Variants in DNAJC1 observed in about 807,000 individuals in gnomAD.
The protein encoded by DNAJC1 is DnaJ heat shock protein family (Hsp40) member C1.
In DNAJC1, 58 loss-of-function variants were observed where a neutral mutation model predicts 76.6. That is an observed-to-expected ratio of 0.76 (90% CI 0.61 to 0.94). The LOEUF (loss-of-function observed/expected upper bound fraction) is 0.94, where lower values mean the gene tolerates loss of function less well. Ranked by LOEUF, DNAJC1 falls within the 40% of genes least tolerant of loss-of-function variation. The pLI is 0.00. For synonymous variants in DNAJC1, 258 were observed against 267.9 expected, an observed-to-expected ratio of 0.96 and a Z score of 0.36; for missense variants, 689 against 677.3, an observed-to-expected ratio of 1.02 and a Z score of -0.19.
chr10:21,914,631 T>C (rs1258054643), intron 6 of DNAJC1, among the ~76,000 whole-genome samples: 1 of 152,202 alleles, frequency 6.6e-6, no homozygotes, highest in Non-Finnish European at 1.5e-5. Flanking sequence ...ACTCAGAATC[T>C]ACAGACCTGG....
At chr10:21,813,141 G>T (rs1835001752) in intron 8 of DNAJC1, among the ~76,000 whole-genome samples, 3 of 96,976 alleles carry the variant, frequency 3.1e-5, no homozygotes, top group South Asian at 3.2e-4. Flanking sequence ...GCTCTTTCTT[G>T]GGTTACTTGT....
intron 9 of DNAJC1, among the ~76,000 whole-genome samples, chr10:21,770,731 C>T (rs965364615): frequency 2.0e-5 from 3 of 152,140 alleles, no homozygotes; most frequent in African/African-American, 7.2e-5. Flanking sequence ...GCTCTGGGTA[C>T]ATATACTTTT....
chr10:21,980,986 T>C (rs983862291), intron 1 of DNAJC1, among the ~76,000 whole-genome samples: 1 of 152,126 alleles, frequency 6.6e-6, no homozygotes, highest in Non-Finnish European at 1.5e-5. Context: ...CAGGAGTGTT[T>C]ATAATACATT....
intron 1 of DNAJC1, among the ~76,000 whole-genome samples, chr10:21,949,555 T>C (rs1427594910): frequency 1.3e-5 from 2 of 151,588 alleles, no homozygotes; most frequent in East Asian, 3.9e-4. Flanking sequence ...TAGCTGGGAT[T>C]ACAGGCACCT....
chr10:21,888,779 T>C (rs1342291311), intron 7 of DNAJC1, among the ~76,000 whole-genome samples: 1 of 151,826 alleles, frequency 6.6e-6, no homozygotes, highest in Non-Finnish European at 1.5e-5. Flanking sequence ...CTACTTGAGG[T>C]TGGAGGGTGG....
At chr10:21,781,057 T>C (rs942296336) in intron 9 of DNAJC1, among the ~76,000 whole-genome samples, 2 of 152,206 alleles carry the variant, frequency 1.3e-5, no homozygotes, top group Admixed American at 6.5e-5. Context: ...ATCCTAAATA[T>C]ATATGCACCC....
intron 8 of DNAJC1, among the ~76,000 whole-genome samples, chr10:21,853,816 A>G (rs1835790864): frequency 6.7e-6 from 1 of 149,072 alleles, no homozygotes. Flanking sequence ...AAAAAAAAAA[A>G]GACTATCACT....
chr10:21,767,958 G>A (rs1834320942), intron 9 of DNAJC1, among the ~76,000 whole-genome samples: 1 of 151,860 alleles, frequency 6.6e-6, no homozygotes, highest in South Asian at 2.1e-4. Context: ...TTACGTCACT[G>A]CACTCCAGCC....
At chr10:21,786,542 T>A (rs1314845733) in intron 9 of DNAJC1, among the ~76,000 whole-genome samples, 1 of 149,324 alleles carries the variant, frequency 6.7e-6, no homozygotes, top group African/African-American at 2.5e-5. Context: ...GTACAGTGGC[T>A]CACTGTGATC....
intron 9 of DNAJC1, among the ~76,000 whole-genome samples, chr10:21,782,370 A>G (rs952950300): frequency 1.3e-5 from 2 of 152,238 alleles, no homozygotes; most frequent in Non-Finnish European, 2.9e-5. Context: ...ATAGACCAAT[A>G]ACAGGCTCTG....
intron 7 of DNAJC1, among the ~76,000 whole-genome samples, chr10:21,902,458 C>T (rs1836673488): frequency 1.3e-5 from 2 of 152,160 alleles, no homozygotes; most frequent in South Asian, 4.2e-4. Context: ...GCGCACACCA[C>T]CATGCCCAGC....
intron 1 of DNAJC1, among the ~76,000 whole-genome samples, chr10:21,971,591 T>C (rs990598014): frequency 6.6e-6 from 1 of 151,882 alleles, no homozygotes; most frequent in South Asian, 2.1e-4. Context: ...ACATAAAATA[T>C]GCTGTACTTT....
intron 1 of DNAJC1, among the ~76,000 whole-genome samples, chr10:21,947,110 T>A (rs1014196165): frequency 1.3e-5 from 2 of 152,284 alleles, no homozygotes; most frequent in East Asian, 3.9e-4. Flanking sequence ...TGGTATTCTG[T>A]CATAGTAAAA....
chr10:21,960,917 G>T (rs1460829293), intron 1 of DNAJC1, among the ~76,000 whole-genome samples: 1 of 152,082 alleles, frequency 6.6e-6, no homozygotes, highest in Non-Finnish European at 1.5e-5. Context: ...TCAAAAAAAT[G>T]GGCAAAGGAT....
At chr10:21,919,781 G>T (rs375575562) in intron 5 of DNAJC1, 51 bp downstream of exon 5, 2 of 1,241,686 alleles carry the variant, frequency 1.6e-6, no homozygotes, top group African/African-American at 3.0e-5. Flanking sequence ...TCATATTAAA[G>T]ATGTATTTTA....
intron 3 of DNAJC1, among the ~76,000 whole-genome samples, chr10:21,927,319 G>C (rs969736485): frequency 2.0e-5 from 3 of 152,196 alleles, no homozygotes; most frequent in African/African-American, 7.2e-5. Context: ...AAGAATGGTA[G>C]CTAACATTTT....
chr10:21,771,936 T>C (rs1386791258), intron 9 of DNAJC1, among the ~76,000 whole-genome samples: 1 of 152,166 alleles, frequency 6.6e-6, no homozygotes, highest in Non-Finnish European at 1.5e-5. Flanking sequence ...TAATAAATGT[T>C]TTTTGTTTGT....
chr10:21,843,041 A>C (rs1835598633), intron 8 of DNAJC1, among the ~76,000 whole-genome samples: 1 of 152,182 alleles, frequency 6.6e-6, no homozygotes, highest in Non-Finnish European at 1.5e-5. Flanking sequence ...TCGATATTGA[A>C]TACCTAGGAT....
At chr10:21,912,332 T>C (rs947014007) in intron 6 of DNAJC1, among the ~76,000 whole-genome samples, 1 of 152,218 alleles carries the variant, frequency 6.6e-6, no homozygotes, top group Non-Finnish European at 1.5e-5. Flanking sequence ...TGAGACTATA[T>C]GTTGCTAACA....
Sources: allele counts gnomAD v4.1 joint callset (sites outside exome capture counted in the v4.1 genomes callset), GRCh38; gene constraint gnomAD v4.1.1; transcripts MANE v1.5; gene names NCBI Gene and HGNC (gene_info 2026-07-23, HGNC 2026-07-21).